GNAS-AS1: variants seen among roughly 807,000 people sequenced by gnomAD.
The protein encoded by GNAS-AS1 is GNAS antisense RNA 1 (non-protein coding).
At chr20:58,827,978 C>T (rs2085531564) in intron 4 of GNAS-AS1, among the ~76,000 whole-genome samples, 1 of 129,758 alleles carries the variant, frequency 7.7e-6, no homozygotes, top group South Asian at 2.9e-4. Flanking sequence ...CTGGGAGAAG[C>T]TGCTGATATG....
At chr20:58,826,167 T>C (rs1234321545) in intron 4 of GNAS-AS1, 10 of 398,532 alleles carry the variant, frequency 2.5e-5, no homozygotes, top group Non-Finnish European at 3.1e-5. Flanking sequence ...GAAGGGAAGT[T>C]ACTTCTCTTT....
At chr20:58,827,003 C>T (rs972010507) in intron 4 of GNAS-AS1, 6 of 151,644 alleles carry the variant, frequency 4.0e-5, no homozygotes, top group Admixed American at 3.9e-4. Context: ...TGAGGCACCG[C>T]ACCTGGCTGA....
chr20:58,840,800 G>C lies in GNAS-AS1; in HGVS notation n.819+1137C>G. 1 of 1,612,414 alleles carries C rather than the reference G, an allele frequency of 6.2e-7. No homozygotes were observed. The highest frequency in any genetic ancestry group is 8.5e-7 in the Non-Finnish European group (1 of 1,179,972). ...GCCCACCCGCCGTGACGCGTCCCCG[G>C]AGTCCCCTTCCAAAAAGGGACCCAT... On this transcript the variant is annotated intron_variant and non_coding_transcript_variant, in intron 4 of 4. Coordinates refer to ENST00000424094, the Ensembl canonical transcript of GNAS-AS1. This position sits in a 1 kb window ranked among gnomAD's most constrained non-coding sequence, Gnocchi z 6.0.
At chr20:58,843,792 C>G (rs2085835308) in intron 2 of GNAS-AS1, among the ~76,000 whole-genome samples, 1 of 152,150 alleles carries the variant, frequency 6.6e-6, no homozygotes, top group South Asian at 2.1e-4. Flanking sequence ...CAAAGGTGCT[C>G]TTGTAACTGA....
intron 4 of GNAS-AS1, among the ~76,000 whole-genome samples, chr20:58,821,657 C>T (rs936726866): frequency 6.6e-6 from 1 of 152,136 alleles, no homozygotes; most frequent in African/African-American, 2.4e-5. Flanking sequence ...TGGAAGCCTA[C>T]AGGAGGAGAC....
At chr20:58,829,956 C>T (rs942506292) in intron 4 of GNAS-AS1, among the ~76,000 whole-genome samples, 4 of 152,096 alleles carry the variant, frequency 2.6e-5, no homozygotes, top group Admixed American at 1.3e-4. Flanking sequence ...TGCAGTTGTG[C>T]AGACCAAACT....
chr20:58,847,998 T>G (rs1169717598), intron 2 of GNAS-AS1, among the ~76,000 whole-genome samples: 1 of 152,202 alleles, frequency 6.6e-6, no homozygotes, highest in Non-Finnish European at 1.5e-5. Context: ...GGGGCTGTAA[T>G]GGTGCTGTTC....
At chr20:58,823,302 C>T (rs913007721) in intron 4 of GNAS-AS1, among the ~76,000 whole-genome samples, 6 of 152,216 alleles carry the variant, frequency 3.9e-5, no homozygotes, top group African/African-American at 1.4e-4. Flanking sequence ...AGAAACTGAC[C>T]CTGAACACGG....
At chr20:58,844,295 A>G (rs958440322) in intron 2 of GNAS-AS1, among the ~76,000 whole-genome samples, 1 of 152,190 alleles carries the variant, frequency 6.6e-6, no homozygotes, top group Admixed American at 6.5e-5. Flanking sequence ...CAGTGATGTC[A>G]TGTGCTGGCT....
chr20:58,836,291 C>T (rs1445214387), intron 4 of GNAS-AS1: 4 of 152,220 alleles, frequency 2.6e-5, no homozygotes, highest in African/African-American at 2.4e-5. Flanking sequence ...TGACAGCCCA[C>T]TCCATGTCAG....
chr20:58,821,682 A>T (rs1198001063), intron 4 of GNAS-AS1, among the ~76,000 whole-genome samples: 1 of 152,144 alleles, frequency 6.6e-6, no homozygotes, highest in African/African-American at 2.4e-5. Flanking sequence ...ACTTCTTCAG[A>T]AGATGAGGGG....
rs1211258431 is a variant in GNAS-AS1 at position 58,840,185 on chromosome 20, C to G, written n.819+1752G>C. 3 of 1,611,358 alleles carry G rather than the reference C, an allele frequency of 1.9e-6. No individual in the cohort carries two copies. In the African/African-American group the frequency reaches 4.0e-5, roughly 22 times the overall value. ...CGACCTGTGCCCGCCCATAGGCCGC[C>G]GGGCAGCCACCGCGCTCCTCTGGCT... is the stretch of plus-strand genomic sequence containing the variant. On this transcript the variant is annotated intron_variant and non_coding_transcript_variant, in intron 4 of 4. Transcript: ENST00000424094. The surrounding 1 kb of genome is among the most constrained non-coding windows in gnomAD (Gnocchi z 6.0).
intron 2 of GNAS-AS1, chr20:58,848,811 G>A: frequency 5.0e-6 from 2 of 398,218 alleles, no homozygotes; most frequent in East Asian, 3.6e-5. Context: ...TCAACTCCTC[G>A]AACATTTGGC....
chr20:58,821,476 C>T (rs190844877), intron 4 of GNAS-AS1, among the ~76,000 whole-genome samples: 1 of 152,354 alleles, frequency 6.6e-6, no homozygotes, highest in Admixed American at 6.5e-5. Context: ...GCTATCTGAC[C>T]TGTGCGTACC....
chr20:58,833,455 G>A lies in GNAS-AS1; in HGVS notation n.819+8482C>T, dbSNP rs537046522. Among the ~76,000 whole-genome samples, 3 of 152,278 alleles carry A rather than the reference G, an allele frequency of 2.0e-5. No homozygotes were observed. The South Asian group carries it at 6.2e-4, about 32-fold the overall frequency. On this transcript the variant is annotated intron_variant and non_coding_transcript_variant, in intron 4 of 4. Coordinates refer to ENST00000424094, the Ensembl canonical transcript of GNAS-AS1. The stretch of plus-strand genomic sequence containing the variant: ...CCTTCTTTCATTCTCCTGGCTCCAT[G>A]ATATTTTATCATGCACAATGTATGT...
intron 4 of GNAS-AS1, among the ~76,000 whole-genome samples, chr20:58,829,800 C>T (rs1049657969): frequency 1.3e-5 from 2 of 152,156 alleles, no homozygotes; most frequent in African/African-American, 4.8e-5. Context: ...AAAAGAACAT[C>T]TTTCTTTTCC....
chr20:58,833,491 C>T (rs1237601795), intron 4 of GNAS-AS1, among the ~76,000 whole-genome samples: 1 of 152,114 alleles, frequency 6.6e-6, no homozygotes, highest in Non-Finnish European at 1.5e-5. Flanking sequence ...CACTCATGGG[C>T]CCTATTAGGA....
intron 2 of GNAS-AS1, among the ~76,000 whole-genome samples, chr20:58,847,857 G>T (rs2145516009): frequency 6.6e-6 from 1 of 152,266 alleles, no homozygotes; most frequent in South Asian, 2.1e-4. Flanking sequence ...TTATGCTTTT[G>T]GTAATGAGTA....
intron 4 of GNAS-AS1, chr20:58,836,508 G>A (rs145447812): frequency 6.6e-6 from 1 of 152,148 alleles, no homozygotes; most frequent in African/African-American, 2.4e-5. Context: ...GCGCTTTCCT[G>A]TCCAACTGGT....
Sources: gnomAD v4.1 joint callset for allele counts (sites outside exome capture counted in the v4.1 genomes callset) on GRCh38, gnomAD v4.1.1 for gene constraint, Gnocchi (gnomAD v3.1) non-coding constraint, MANE v1.5 for transcripts, NCBI Gene and HGNC (gene_info 2026-07-23, HGNC 2026-07-21) for gene names.